The following TAF6L variants were observed in gnomAD, a reference collection of about 807,000 sequenced individuals.
TAF6L encodes the protein TATA-box binding protein associated factor 6 like, also known as TAF6-like RNA polymerase II p300/CBP-associated factor-associated factor 65 kDa subunit 6L.
TAF6L carries 34 observed loss-of-function variants against 57.3 expected under a neutral mutation model. The ratio of observed to expected loss-of-function variants is 0.59; its 90% CI spans 0.45 to 0.79. The LOEUF is 0.79. Ranked by LOEUF, TAF6L falls within the 30% of genes least tolerant of loss-of-function variation. The pLI is 0.00. For missense variants in TAF6L, 782 were observed against 853.2 expected, an observed-to-expected ratio of 0.92 and a Z score of 1.04; for synonymous variants, 417 against 376.3, an observed-to-expected ratio of 1.11 and a Z score of -1.25.
rs372861774 is a variant in TAF6L at position 62,775,778 on chromosome 11, G to A, written c.-6G>A. ...TTCATTCTCCACTCCCAGCTCCACT[G>A]GGGCCATGTCAGAGCGAGAAGAGCG... is the stretch of plus-strand genomic sequence containing the variant. On this transcript the variant is annotated 5_prime_UTR_variant, in exon 2 of 11. Transcript: ENST00000294168. 3 of 1,604,616 alleles carry A rather than the reference G, an allele frequency of 1.9e-6. No individual in the cohort carries two copies. The highest frequency in any genetic ancestry group is 2.5e-6 in the Non-Finnish European group (3 of 1,178,482).
rs776945206 is a variant in TAF6L, at chr11:62,775,766, C to G, written c.-13-5C>G. 12 of 1,598,462 alleles carry G rather than the reference C, an allele frequency of 7.5e-6. No homozygotes were observed. The Middle Eastern group carries it at 7.2e-4, about 96-fold the overall frequency. Reference sequence around the variant, plus strand: ...GCTTTTCCAGTCTTCATTCTCCACTCCCAGCTCCACTGGGGCCATGTCAGA... The same window carrying G: ...GCTTTTCCAGTCTTCATTCTCCACTGCCAGCTCCACTGGGGCCATGTCAGA... On this transcript the variant is annotated splice_region_variant and splice_polypyrimidine_tract_variant and intron_variant, in intron 1 of 10. Coordinates refer to ENST00000294168, the MANE Select transcript of TAF6L (RefSeq NM_006473.4).
chr11:62,776,294 C>T, intron 2 of TAF6L, 90 bp from the exon 3 acceptor site: 1 of 1,355,946 alleles, frequency 7.4e-7, no homozygotes, highest in Non-Finnish European at 1.1e-6. Context: ...TCCTGTTTGC[C>T]TTCTCTCCAG....
At position 62,775,853 on chromosome 11, in the gene TAF6L, A is replaced by G. The variant is rs373882599; in HGVS notation, c.70A>G (p.Thr24Ala). ...GTCTGTCCGGCTCATGGCGGAGAGC[A>G]CGGGCCTGGAGCTGAGCGATGAGGT... is the stretch of plus-strand genomic sequence containing the variant. ...RESVRLMAESTGLELSDEVAA... is the reference protein window; with the variant it reads ...RESVRLMAESAGLELSDEVAA... The change falls in exon 2 of 11, where the codon ACG (threonine) becomes GCG (alanine). Residue 24 changes from threonine (T) to alanine (A), a missense_variant. This residue lies in a region of TAF6L where 220 missense variants were observed against 252.1 expected (regional missense o/e 0.87). Transcript: ENST00000294168. The G allele has an allele frequency of 5.0e-6, 8 of 1,613,636 alleles. No individual in the cohort carries two copies. The African/African-American group carries it at 9.3e-5, about 19-fold the overall frequency.
chr11:62,782,296 C>T lies in TAF6L; in HGVS notation c.790C>T (p.Arg264Trp), dbSNP rs746878530. The change falls in exon 8 of 11, where the codon CGG becomes TGG. Residue 264 changes from arginine to tryptophan, a missense_variant. Physicochemically the swap from Arg to Trp is moderately radical, Grantham distance 101. Transcript: ENST00000294168. The stretch of plus-strand genomic sequence containing the variant: ...CCCCCTGAATGACCACTGGACTCTG[C>T]GGGATGGGGCTGCCCTCCTGCTCAG... ...INPLNDHWTL[R>W]DGAALLLSHI... The T allele has an allele frequency of 5.0e-6, 8 of 1,613,920 alleles. No homozygotes were observed. Among genetic ancestry groups the T allele is most frequent in the South Asian group, 1.1e-5 (1 of 91,090 alleles).
intron 1 of TAF6L, among the ~76,000 whole-genome samples, chr11:62,772,340 G>A (rs569094494): frequency 3.0e-4 from 45 of 151,978 alleles, no homozygotes; most frequent in African/African-American, 9.7e-4. Flanking sequence ...TGGGCAACAC[G>A]GTGAAACCTC....
chr11:62,775,182 CTT>C (rs970981123), intron 1 of TAF6L, among the ~76,000 whole-genome samples: 2 of 152,024 alleles, frequency 1.3e-5, no homozygotes, highest in African/African-American at 4.8e-5. Flanking sequence ...GCAAACATGT[CTT>C]TCTTCATGTG....
At chr11:62,776,283 C>A in intron 2 of TAF6L, 101 bp from the exon 3 acceptor site, 2 of 1,197,166 alleles carry the variant, frequency 1.7e-6, no homozygotes, top group Admixed American at 1.8e-5. Context: ...TAAGCGTGGT[C>A]TCCTGTTTGC....
intron 6 of TAF6L, among the ~76,000 whole-genome samples, chr11:62,780,223 CAGG>C (rs2084218671): frequency 6.6e-6 from 1 of 151,498 alleles, no homozygotes; most frequent in African/African-American, 2.4e-5. Flanking sequence ...GAGGCTGAGG[CAGG>C]AGAATTGCTT....
intron 9 of TAF6L, among the ~76,000 whole-genome samples, chr11:62,784,398 G>A (rs1003442683): frequency 5.3e-5 from 8 of 150,418 alleles, no homozygotes; most frequent in South Asian, 2.1e-4. Flanking sequence ...TCCGCCTCCC[G>A]GGTTCACGCC....
At chr11:62,774,642 G>T (rs1001777194) in intron 1 of TAF6L, 13 of 455,024 alleles carry the variant, frequency 2.9e-5, no homozygotes, top group Non-Finnish European at 5.3e-5. Flanking sequence ...TGCTGTTTTT[G>T]TCGGTTTCTT....
Position 62,779,952 on chromosome 11 carries a change from CTATATATATA to C in TAF6L, c.531+1005_531+1014del, listed in dbSNP as rs1225374367. 1.2e-3 allele frequency among the ~76,000 whole-genome samples: 118 copies of C among 100,056 alleles called. 1 individual carries two copies. The highest frequency in any genetic ancestry group is 5.1e-3 in the African/African-American group (114 of 22,438). 65.6% of individuals were successfully genotyped at this position (100,056 alleles called of 152,430 possible). A position where few individuals can be genotyped will look rare whatever the true frequency, so the allele number is the denominator to read the frequency against. ...AAGTGGTGGGATTACAGGCGTGAGC[CTATATATATA>C]TATATATATATATATTTTTTTTTTT... On this transcript the variant is annotated intron_variant, in intron 6 of 10. Transcript: ENST00000294168.
At chr11:62,781,782 C>T (rs1221541802) in intron 6 of TAF6L, 112 bp from the exon 7 acceptor site, 2 of 919,842 alleles carry the variant, frequency 2.2e-6, no homozygotes, top group Non-Finnish European at 3.5e-6. Context: ...AGAATATGAA[C>T]ATTAAAATTG....
At chr11:62,779,972 A>ATTTTT (rs1367245372) in intron 6 of TAF6L, among the ~76,000 whole-genome samples, 2 of 61,476 alleles carry the variant, frequency 3.3e-5, no homozygotes, top group African/African-American at 9.8e-5. Flanking sequence ...ATATATATAT[A>ATTTTT]TATATTTTTT....
intron 1 of TAF6L, among the ~76,000 whole-genome samples, chr11:62,774,895 A>G (rs2084174142): frequency 1.3e-5 from 2 of 148,962 alleles, no homozygotes; most frequent in Non-Finnish European, 3.0e-5. Flanking sequence ...CCGTCTCAAA[A>G]AAAAAAAAAA....
rs1030083997 is a variant in TAF6L at position 62,777,848 on chromosome 11, A to G, written c.235-130A>G. On this transcript the variant is annotated intron_variant, in intron 3 of 10. Coordinates refer to ENST00000294168, the MANE Select transcript of TAF6L (RefSeq NM_006473.4). Reference sequence around the variant, plus strand: ...TGGCTCTGAGTCCCAGGCTTCCACCACTTTTCTTGGGACTTCTGGACTTCC... The same window carrying G: ...TGGCTCTGAGTCCCAGGCTTCCACCGCTTTTCTTGGGACTTCTGGACTTCC... 3.5e-6 allele frequency: 4 copies of G among 1,133,062 alleles called. No individual in the cohort carries two copies. In the African/African-American group the frequency reaches 4.7e-5, roughly 13 times the overall value. 70.2% of individuals were successfully genotyped at this position (1,133,062 alleles called of 1,614,324 possible).
rs2084277595 is a variant in TAF6L at position 62,786,516 on chromosome 11, G to A, written c.1090-1G>A. On this transcript the variant is annotated splice_acceptor_variant, in intron 10 of 10. Transcript: ENST00000294168. LOFTEE classifies it high-confidence loss of function. ...CCTATCTTAGTCCTTGGCTCTTACAGGTGGCGGTAGAGCGACTGCTGAAGA... is the reference window on the plus strand; with the variant it reads ...CCTATCTTAGTCCTTGGCTCTTACAAGTGGCGGTAGAGCGACTGCTGAAGA... 6.4e-7 allele frequency: 1 copy of A among 1,557,462 alleles called. No individual in the cohort carries two copies. Among genetic ancestry groups the A allele is most frequent in the Non-Finnish European group, 8.7e-7 (1 of 1,147,868 alleles).
chr11:62,782,082 G>C (rs1350765388), intron 7 of TAF6L, 31 bp from the exon 8 acceptor site: 13 of 1,591,062 alleles, frequency 8.2e-6, no homozygotes, highest in Non-Finnish European at 1.0e-5. Context: ...GTCCCCTCAT[G>C]TCCCTGTAAG....
chr11:62,780,339 C>T (rs979836540), intron 6 of TAF6L, among the ~76,000 whole-genome samples: 8 of 151,342 alleles, frequency 5.3e-5, no homozygotes, highest in African/African-American at 1.5e-4. Flanking sequence ...GGTGAAACCC[C>T]GTCTCTACTA....
intron 1 of TAF6L, among the ~76,000 whole-genome samples, chr11:62,774,436 C>T (rs1383112930): frequency 6.6e-6 from 1 of 152,180 alleles, no homozygotes; most frequent in Non-Finnish European, 1.5e-5. Flanking sequence ...TGCACAGAAG[C>T]CACATAGCTG....
Sources: allele counts gnomAD v4.1 joint callset (sites outside exome capture counted in the v4.1 genomes callset), GRCh38; gene constraint gnomAD v4.1.1; regional missense constraint gnomAD v4.1.1; transcripts MANE v1.5; gene names NCBI Gene and HGNC (gene_info 2026-07-23, HGNC 2026-07-21).